Variants in ALCAM observed in about 807,000 individuals in gnomAD.
The protein encoded by ALCAM is activated leukocyte cell adhesion molecule.
In ALCAM, 30 loss-of-function variants were observed where a neutral mutation model predicts 70.9. The ratio of observed to expected loss-of-function variants is 0.42; its 90% CI spans 0.32 to 0.57. The LOEUF (loss-of-function observed/expected upper bound fraction) is 0.57, where lower values mean the gene tolerates loss of function less well. Ranked by LOEUF, ALCAM falls within the 20% of genes least tolerant of loss-of-function variation. The probability of loss-of-function intolerance (pLI) is 0.11; values close to 1 mark genes in which losing one functional copy is unlikely to be tolerated. For missense variants in ALCAM, 591 were observed against 695.1 expected (o/e 0.85, Z 1.68); for synonymous variants, 249 against 242.5 (o/e 1.03, Z -0.25).
chr3:105,368,960 C>G (rs930500091), intron 1 of ALCAM, among the ~76,000 whole-genome samples: 1 of 152,108 alleles, frequency 6.6e-6, no homozygotes, highest in South Asian at 2.1e-4. Flanking sequence ...AGTGTAACAA[C>G]GCTGGGGAGG....
intron 15 of ALCAM, among the ~76,000 whole-genome samples, chr3:105,572,216 T>C (rs895768325): frequency 2.0e-5 from 3 of 152,148 alleles, no homozygotes; most frequent in Admixed American, 2.0e-4. Context: ...GTATTTCTCC[T>C]AATGCGTCCC....
intron 1 of ALCAM, among the ~76,000 whole-genome samples, chr3:105,517,888 T>G (rs1278191696): frequency 6.6e-6 from 1 of 152,138 alleles, no homozygotes; most frequent in African/African-American, 2.4e-5. Context: ...AGGTGCCCAT[T>G]AGATGCTAGG....
chr3:105,539,858 C>A, intron 6 of ALCAM, 117 bp from the exon 7 acceptor site: 2 of 1,031,318 alleles, frequency 1.9e-6, no homozygotes, highest in Non-Finnish European at 1.4e-6. Context: ...TATATTTAAG[C>A]AATTACCATT....
intron 14 of ALCAM, among the ~76,000 whole-genome samples, chr3:105,556,249 A>G (rs1300479191): frequency 1.3e-5 from 2 of 152,004 alleles, no homozygotes; most frequent in African/African-American, 4.8e-5. Flanking sequence ...GTAGCCACAA[A>G]CTTCTTCACA....
intron 1 of ALCAM, among the ~76,000 whole-genome samples, chr3:105,476,974 G>C (rs1938133688): frequency 6.6e-6 from 1 of 151,992 alleles, no homozygotes; most frequent in South Asian, 2.1e-4. Flanking sequence ...CACAAGATCT[G>C]ATGGGTTTAT....
intron 1 of ALCAM, among the ~76,000 whole-genome samples, chr3:105,501,262 G>C (rs1345304184): frequency 6.6e-6 from 1 of 152,200 alleles, no homozygotes; most frequent in East Asian, 1.9e-4. Context: ...TCAAAATACT[G>C]TTTGGGGTGG....
chr3:105,497,140 G>T (rs1938768607), intron 1 of ALCAM, among the ~76,000 whole-genome samples: 1 of 152,018 alleles, frequency 6.6e-6, no homozygotes, highest in South Asian at 2.1e-4. Flanking sequence ...CCGTAAGAAT[G>T]TTTTCTTCTT....
At chr3:105,473,678 A>G (rs1559803506) in intron 1 of ALCAM, among the ~76,000 whole-genome samples, 1 of 151,702 alleles carries the variant, frequency 6.6e-6, no homozygotes, top group East Asian at 1.9e-4. Context: ...GCTCTAGTGA[A>G]TTCCTTTGTT....
intron 1 of ALCAM, among the ~76,000 whole-genome samples, chr3:105,378,626 A>G (rs911948609): frequency 1.1e-4 from 8 of 72,200 alleles, no homozygotes; most frequent in Non-Finnish European, 2.3e-4. Context: ...TAGTTCTCAA[A>G]TAGTTTTTTT....
At chr3:105,525,849 G>A (rs73192754) in intron 3 of ALCAM, among the ~76,000 whole-genome samples, 20,155 of 152,116 alleles carry the variant, frequency 0.13, 1,363 homozygotes, top group Middle Eastern at 0.17. Flanking sequence ...CACACTTCTC[G>A]ATCGTTGTAT....
At chr3:105,396,994 A>G (rs1386476376) in intron 1 of ALCAM, among the ~76,000 whole-genome samples, 1 of 152,092 alleles carries the variant, frequency 6.6e-6, no homozygotes, top group Non-Finnish European at 1.5e-5. Context: ...ATTTTTCAAA[A>G]TAACCTTTTT....
intron 3 of ALCAM, among the ~76,000 whole-genome samples, chr3:105,526,357 G>A (rs1341201798): frequency 2.0e-5 from 3 of 150,376 alleles, no homozygotes; most frequent in Admixed American, 6.6e-5. Context: ...GGCCAAATCT[G>A]ATTTTTTCAG....
chr3:105,486,351 T>TA (rs1215253268), intron 1 of ALCAM, among the ~76,000 whole-genome samples: 3 of 152,158 alleles, frequency 2.0e-5, no homozygotes, highest in Non-Finnish European at 4.4e-5. Context: ...TTGTAGCACT[T>TA]ACTGAATTTT....
In ALCAM at chr3:105,568,060, TTTA is replaced by T. The variant is rs1327540585; in HGVS notation, c.1665-3789_1665-3787del. Among the ~76,000 whole-genome samples the T allele has an allele frequency of 1.1e-3, 100 of 91,522 alleles. 1 individual carries two copies. Among genetic ancestry groups the T allele is most frequent in the South Asian group, 2.5e-3 (6 of 2,424 alleles). The allele number at this position is 91,522 out of a possible 152,430, so 60.0% of individuals were successfully genotyped here. A position where few individuals can be genotyped will look rare whatever the true frequency, so the allele number is the denominator to read the frequency against. On this transcript the variant is annotated intron_variant, in intron 14 of 15. Transcript: ENST00000306107. ...TATTTTTTTTATTATTTTATTTTAT[TTTA>T]TTTTTTTTTTTTTTTGAGATGGAGT...
chr3:105,371,124 T>C (rs1281064746), intron 1 of ALCAM, among the ~76,000 whole-genome samples: 5 of 152,288 alleles, frequency 3.3e-5, no homozygotes, highest in African/African-American at 1.2e-4. Context: ...GCTTATCTTT[T>C]TTAATAGACA....
chr3:105,546,647 A>G (rs891660715), intron 9 of ALCAM, among the ~76,000 whole-genome samples: 4 of 151,472 alleles, frequency 2.6e-5, no homozygotes, highest in Non-Finnish European at 4.4e-5. Context: ...TGTACAATCA[A>G]CTGCAATCAC....
intron 1 of ALCAM, among the ~76,000 whole-genome samples, chr3:105,458,778 C>T (rs1019157099): frequency 2.3e-4 from 35 of 152,102 alleles, no homozygotes; most frequent in African/African-American, 7.2e-4. Flanking sequence ...TACAGCATTT[C>T]GCTTCTGAAA....
intron 1 of ALCAM, among the ~76,000 whole-genome samples, chr3:105,409,441 TTAAGTAACTC>T (rs1323333134): frequency 2.0e-5 from 3 of 152,076 alleles, no homozygotes; most frequent in African/African-American, 7.2e-5. Flanking sequence ...TCATTCGAAG[TTAAGTAACTC>T]AAGAATGGAA....
intron 1 of ALCAM, among the ~76,000 whole-genome samples, chr3:105,455,310 C>T (rs1937520696): frequency 6.6e-6 from 1 of 151,660 alleles, no homozygotes; most frequent in Non-Finnish European, 1.5e-5. Context: ...GGCGTGGTGG[C>T]GGGCGCCTGT....
Sources: allele counts gnomAD v4.1 joint callset (sites outside exome capture counted in the v4.1 genomes callset), GRCh38; gene constraint gnomAD v4.1.1; transcripts MANE v1.5; gene names NCBI Gene and HGNC (gene_info 2026-07-23, HGNC 2026-07-21).